The following CHLSN variants were observed in gnomAD, a reference collection of about 807,000 sequenced individuals.
CHLSN encodes the protein cholesin, also known as protein cholesin.
chr7:1,026,222 C>G, the CHLSN span: 10 of 152,398 alleles, frequency 6.6e-5, no homozygotes, highest in African/African-American at 2.4e-4. Flanking sequence ...CGCTGTCTAA[C>G]GATTCACGAC....
the CHLSN span, among the ~76,000 whole-genome samples, chr7:979,333 C>A: frequency 0.019 from 2,921 of 152,128 alleles, 127 homozygotes; most frequent in East Asian, 0.21. Context: ...GAGCCAAATG[C>A]GATCGTCAAA....
the CHLSN span, among the ~76,000 whole-genome samples, chr7:1,016,553 GCACAGCAGCGCACACCAGTA>G: frequency 4.9e-5 from 6 of 123,370 alleles, no homozygotes; most frequent in Non-Finnish European, 1.0e-4. Flanking sequence ...GCACGCCAGC[GCACAGCAGCGCACACCAGTA>G]CACAGCAGCA....
chr7:1,030,814 T>G, the CHLSN span, among the ~76,000 whole-genome samples: 1 of 151,924 alleles, frequency 6.6e-6, no homozygotes, highest in African/African-American at 2.4e-5. Context: ...CAGGTGGGGC[T>G]CTCTCTGGGC....
chr7:1,092,939 T>C, the CHLSN span: 6 of 1,323,406 alleles, frequency 4.5e-6, no homozygotes, highest in South Asian at 7.4e-5. Flanking sequence ...GGCCACGTCA[T>C]GTCTCTAAAC....
At chr7:978,760 C>T in the CHLSN span, among the ~76,000 whole-genome samples, 23 of 152,362 alleles carry the variant, frequency 1.5e-4, no homozygotes, top group East Asian at 1.9e-4. Flanking sequence ...TGGCCGTGTT[C>T]GCGTTATCTG....
At chr7:1,101,329 C>G in the CHLSN span, among the ~76,000 whole-genome samples, 1 of 152,072 alleles carries the variant, frequency 6.6e-6, no homozygotes, top group Admixed American at 6.5e-5. Context: ...AGCCCAGGTA[C>G]TGGGGTGGAC....
chr7:1,057,608 G>C, the CHLSN span: 16 of 769,886 alleles, frequency 2.1e-5, no homozygotes, highest in Non-Finnish European at 3.6e-5. Context: ...TGTTGTCGCT[G>C]CTGGGCCTGG....
At chr7:1,039,094 G>A in the CHLSN span, among the ~76,000 whole-genome samples, 16 of 68,014 alleles carry the variant, frequency 2.4e-4, 1 homozygote, top group South Asian at 5.4e-4. Context: ...CAGCTGCCCC[G>A]TCCGGGAGGT....
chr7:987,501 C>T, the CHLSN span: 1 of 1,542,910 alleles, frequency 6.5e-7, no homozygotes, highest in Non-Finnish European at 8.7e-7. Context: ...CCGCGGCCGA[C>T]ACACAGCTGG....
the CHLSN span, among the ~76,000 whole-genome samples, chr7:1,018,527 G>C: frequency 7.9e-5 from 12 of 152,126 alleles, no homozygotes; most frequent in East Asian, 2.3e-3. Flanking sequence ...TCGGAGGTCC[G>C]CACTTCCTGC....
chr7:1,117,444 C>A, the CHLSN span, among the ~76,000 whole-genome samples: 2 of 131,936 alleles, frequency 1.5e-5, no homozygotes, highest in African/African-American at 3.4e-5. Flanking sequence ...CCATCACAGA[C>A]GCCCACGCAG....
chr7:987,140 A>G, the CHLSN span: 1 of 1,573,072 alleles, frequency 6.4e-7, no homozygotes, highest in Non-Finnish European at 8.6e-7. Context: ...TGCTGAGGCC[A>G]ACGCGGTGGC....
At chr7:1,127,517 A>G in the CHLSN span, 11 of 926,910 alleles carry the variant, frequency 1.2e-5, no homozygotes, top group Non-Finnish European at 1.4e-5. Context: ...AACATATAAA[A>G]GTTAAAATAA....
chr7:983,967 G>A, the CHLSN span, among the ~76,000 whole-genome samples: 3 of 152,168 alleles, frequency 2.0e-5, no homozygotes, highest in African/African-American at 7.2e-5. Flanking sequence ...CCCGGGCCCT[G>A]CCTCCGGCTG....
the CHLSN span, among the ~76,000 whole-genome samples, chr7:1,008,988 AACACACAT>A: frequency 4.2e-5 from 4 of 94,914 alleles, no homozygotes; most frequent in African/African-American, 2.0e-4. Context: ...CACCCATGCG[AACACACAT>A]ACACGCACAC....
At chr7:1,027,739 ACGGGGTCCT>A in the CHLSN span, among the ~76,000 whole-genome samples, 1 of 152,210 alleles carries the variant, frequency 6.6e-6, no homozygotes, top group African/African-American at 2.4e-5. Flanking sequence ...CGAGCGCCCG[ACGGGGTCCT>A]CTACCCCGGC....
the CHLSN span, among the ~76,000 whole-genome samples, chr7:1,088,819 C>G: frequency 6.6e-6 from 1 of 151,990 alleles, no homozygotes; most frequent in Non-Finnish European, 1.5e-5. The surrounding 1 kb of genome is among the most constrained non-coding windows in gnomAD (Gnocchi z 4.5). Context: ...ATGGCCACCT[C>G]CAGTGAGGAC....
At chr7:987,954 C>T in the CHLSN span, among the ~76,000 whole-genome samples, 1 of 133,946 alleles carries the variant, frequency 7.5e-6, no homozygotes, top group Admixed American at 7.4e-5. Flanking sequence ...CCTGTGTGTC[C>T]TGGGGGTCCC....
At chr7:997,799 G>C in the CHLSN span, 39 of 1,603,958 alleles carry the variant, frequency 2.4e-5, no homozygotes, top group Non-Finnish European at 3.1e-5. Context: ...AGTGCTCATC[G>C]GGAACCTGGA....
Sources: gnomAD v4.1 joint callset for allele counts (sites outside exome capture counted in the v4.1 genomes callset) on GRCh38, gnomAD v4.1.1 for gene constraint, Gnocchi (gnomAD v3.1) non-coding constraint, MANE v1.5 for transcripts, NCBI Gene and HGNC (gene_info 2026-07-23, HGNC 2026-07-21) for gene names.